The following DPP4 variants were observed in gnomAD, a reference collection of about 807,000 sequenced individuals.
DPP4 encodes dipeptidyl peptidase 4, also known as ADCP-2.
DPP4 carries 93 observed loss-of-function variants against 122.4 expected under a neutral mutation model. The observed-to-expected ratio is 0.76, with a 90% CI of 0.64 to 0.90. DPP4 has a LOEUF of 0.90. DPP4 is among the 40% of genes least tolerant of loss of function. The pLI is 0.00. For synonymous variants in DPP4, 321 were observed against 302.9 expected (o/e 1.06, Z -0.62); for missense variants, 914 against 907.3 (o/e 1.01, Z -0.09).
At position 161,992,311 on chromosome 2, in the gene DPP4, TA is replaced by T. The variant is rs1482805021; in HGVS notation, c.*971del. ...AATTCCATAGTATGTAGAATGGGAA[TA>T]ATAATACATAACATTGTATTTTATG... On this transcript the variant is annotated 3_prime_UTR_variant, in exon 26 of 26. Coordinates refer to ENST00000360534, the MANE Select transcript of DPP4 (RefSeq NM_001935.4). 4 of 152,272 alleles carry T rather than the reference TA, an allele frequency of 2.6e-5. No individual in the cohort carries two copies. The highest frequency in any genetic ancestry group is 5.9e-5 in the Non-Finnish European group (4 of 68,040). The allele number at this position is 152,272 out of a possible 1,614,324, so 9.4% of individuals were successfully genotyped here.
chr2:162,007,198 C>T (rs1174014990), intron 22 of DPP4, among the ~76,000 whole-genome samples: 1 of 151,908 alleles, frequency 6.6e-6, no homozygotes, highest in Non-Finnish European at 1.5e-5. Flanking sequence ...TCATAAAATG[C>T]TCATATCTCT....
intron 2 of DPP4, among the ~76,000 whole-genome samples, chr2:162,062,384 C>T (rs997048287): frequency 6.6e-6 from 1 of 152,208 alleles, no homozygotes; most frequent in African/African-American, 2.4e-5. Flanking sequence ...TGACTTAACA[C>T]AGCACACATG....
At chr2:162,010,711 CCT>C (rs1438755362) in intron 20 of DPP4, among the ~76,000 whole-genome samples, 16 of 152,146 alleles carry the variant, frequency 1.1e-4, no homozygotes, top group African/African-American at 3.6e-4. Context: ...AAATGTATCC[CCT>C]GTTTATTCTA....
At chr2:162,008,867 A>G (rs1465998338) in intron 21 of DPP4, among the ~76,000 whole-genome samples, 1 of 152,148 alleles carries the variant, frequency 6.6e-6, no homozygotes, top group African/African-American at 2.4e-5. Context: ...CTTGGTAGGT[A>G]TATGGGGAAA....
chr2:162,004,786 A>G (rs775382954), intron 23 of DPP4, among the ~76,000 whole-genome samples: 3 of 152,234 alleles, frequency 2.0e-5, no homozygotes, highest in Non-Finnish European at 4.4e-5. Flanking sequence ...GCTCAGAGCA[A>G]TGTATTAATA....
At chr2:162,042,995 T>G (rs1006313775) in intron 5 of DPP4, among the ~76,000 whole-genome samples, 61 of 152,226 alleles carry the variant, frequency 4.0e-4, no homozygotes, top group Non-Finnish European at 4.9e-4. Flanking sequence ...CATATGATGA[T>G]GGAGAAGCTT....
chr2:161,994,198 A>G (rs547088365), intron 25 of DPP4, among the ~76,000 whole-genome samples: 1 of 152,316 alleles, frequency 6.6e-6, no homozygotes, highest in South Asian at 2.1e-4. Flanking sequence ...CCTCTTATAA[A>G]ACACTGACCC....
At chr2:161,997,235 T>C (rs1701029103) in intron 23 of DPP4, among the ~76,000 whole-genome samples, 2 of 152,194 alleles carry the variant, frequency 1.3e-5, no homozygotes, top group Admixed American at 1.3e-4. Context: ...AAAACCTGAG[T>C]GAGACTCCTT....
intron 2 of DPP4, among the ~76,000 whole-genome samples, chr2:162,071,365 C>T (rs531759174): frequency 9.2e-5 from 14 of 152,268 alleles, no homozygotes; most frequent in Admixed American, 2.0e-4. Context: ...GTCTCTCCGC[C>T]GGGTGCAGTG....
At chr2:162,002,909 C>A (rs1337724277) in intron 23 of DPP4, among the ~76,000 whole-genome samples, 2 of 152,328 alleles carry the variant, frequency 1.3e-5, no homozygotes, top group East Asian at 1.9e-4. Context: ...CACATAGATT[C>A]AGTTCTCCAC....
intron 20 of DPP4, 93 bp from the exon 21 acceptor site, chr2:162,009,388 C>A: frequency 1.8e-6 from 2 of 1,117,866 alleles, no homozygotes; most frequent in Non-Finnish European, 2.7e-6. Flanking sequence ...CATTTGTTCT[C>A]TGCTTCATTC....
chr2:162,045,852 G>C (rs979974378), intron 4 of DPP4, among the ~76,000 whole-genome samples: 2 of 152,202 alleles, frequency 1.3e-5, no homozygotes, highest in African/African-American at 4.8e-5. Context: ...GCGAGAGTGA[G>C]GATGAGGAAA....
intron 23 of DPP4, among the ~76,000 whole-genome samples, chr2:161,998,015 T>C (rs1576030355): frequency 6.6e-6 from 1 of 152,322 alleles, no homozygotes; most frequent in East Asian, 1.9e-4. Context: ...TTGAAGTGCA[T>C]AATAATAATG....
chr2:162,045,464 G>C, intron 5 of DPP4, 68 bp downstream of exon 5: 1 of 1,185,652 alleles, frequency 8.4e-7, no homozygotes, highest in Non-Finnish European at 1.3e-6. Context: ...CCATACACTT[G>C]AAATCGGTTA....
At chr2:162,014,497 A>C (rs1341191790) in intron 18 of DPP4, 32 bp from the exon 19 acceptor site, 5 of 1,517,448 alleles carry the variant, frequency 3.3e-6, no homozygotes, top group Non-Finnish European at 4.5e-6. Context: ...TTAGTGAGGT[A>C]AGAAAAATTA....
chr2:162,015,897 C>T (rs1391110980), intron 18 of DPP4, among the ~76,000 whole-genome samples: 2 of 152,188 alleles, frequency 1.3e-5, no homozygotes, highest in Admixed American at 1.3e-4. Context: ...GTAAGCAGCA[C>T]TAGCATCACC....
At position 162,020,304 on chromosome 2, in the gene DPP4, T is replaced by G. The variant is rs1042197363; in HGVS notation, c.1177-8A>C. 1.3e-5 allele frequency: 13 copies of G among 1,023,966 alleles called. No homozygotes were observed. Among genetic ancestry groups the G allele is most frequent in the Admixed American group, 6.6e-5 (2 of 30,096 alleles). The allele number at this position is 1,023,966 out of a possible 1,614,324, so 63.4% of individuals were successfully genotyped here. ...TGTAATAAATGTGCAGTCCTGATGG[T>G]TTTTTTTTTTTTTCAAAAAAAAAAA... On this transcript the variant is annotated splice_polypyrimidine_tract_variant and splice_region_variant and intron_variant, in intron 13 of 25. Coordinates refer to ENST00000360534, the MANE Select transcript of DPP4 (RefSeq NM_001935.4).
intron 4 of DPP4, 63 bp from the exon 5 acceptor site, chr2:162,045,675 T>G: frequency 6.0e-6 from 7 of 1,162,696 alleles, no homozygotes; most frequent in Non-Finnish European, 9.1e-6. Flanking sequence ...CACTGTGCAC[T>G]TACTTCATAG....
intron 18 of DPP4, among the ~76,000 whole-genome samples, chr2:162,016,395 T>C (rs1682927028): frequency 6.6e-6 from 1 of 152,190 alleles, no homozygotes; most frequent in Non-Finnish European, 1.5e-5. Flanking sequence ...CGAATTGTTT[T>C]ATACAACTAT....
Sources: gnomAD v4.1 joint callset for allele counts (sites outside exome capture counted in the v4.1 genomes callset) on GRCh38, gnomAD v4.1.1 for gene constraint, MANE v1.5 for transcripts, NCBI Gene and HGNC (gene_info 2026-07-23, HGNC 2026-07-21) for gene names.